Variants in TMEM18 observed in about 807,000 individuals in gnomAD.
TMEM18 encodes transmembrane protein 18.
Under a neutral mutation model 17.4 loss-of-function variants are expected in TMEM18, and 14 were observed. The observed-to-expected ratio is 0.80, with a 90% CI of 0.53 to 1.25. The LOEUF (loss-of-function observed/expected upper bound fraction) is 1.25. TMEM18 is among the 50% of genes most tolerant of loss of function. The pLI is 0.00. For missense variants in TMEM18, 187 were observed against 172.1 expected (o/e 1.09, Z -0.48); for synonymous variants, 86 against 66.1 (o/e 1.30, Z -1.46).
Position 669,526 on chromosome 2 carries a change from G to A in TMEM18, c.*54C>T. 1.9e-6 allele frequency: 3 copies of A among 1,541,702 alleles called. No individual in the cohort carries two copies. The highest frequency in any genetic ancestry group is 2.7e-6 in the Non-Finnish European group (3 of 1,115,702). ...CCCACGCCACGCACACTGCAGCACTGGGAGCTGCACTGGGTGGACGGGAAG... is the reference window on the plus strand; with the variant it reads ...CCCACGCCACGCACACTGCAGCACTAGGAGCTGCACTGGGTGGACGGGAAG... On this transcript the variant is annotated 3_prime_UTR_variant, in exon 5 of 5. Transcript: ENST00000281017.
At position 665,182 on chromosome 2, in the gene TMEM18, C is replaced by T. The variant is rs1424153099; in HGVS notation, c.*4398G>A. Among the ~76,000 whole-genome samples, 3 of 151,900 alleles carry T rather than the reference C, an allele frequency of 2.0e-5. No individual in the cohort carries two copies. The highest frequency in any genetic ancestry group is 2.0e-4 in the Admixed American group (3 of 15,256). On this transcript the variant is annotated 3_prime_UTR_variant, in exon 5 of 5. Coordinates refer to ENST00000281017, the MANE Select transcript of TMEM18 (RefSeq NM_152834.4). ...GACGCCCAGCTCAGATGGAGCATCA[C>T]TCCCACATACAACAGAACCCAGAGA...
In TMEM18 at chr2:664,871, C is replaced by A; in HGVS notation, c.*4709G>T. ...CATCTCTAATATCAGTAACTGGTTA[C>A]GTAAATTCAGCCTATACCCCTACAA... On this transcript the variant is annotated 3_prime_UTR_variant, in exon 5 of 5. Coordinates refer to ENST00000281017, the MANE Select transcript of TMEM18 (RefSeq NM_152834.4). Among the ~76,000 whole-genome samples the A allele has an allele frequency of 6.6e-6, 1 of 152,146 alleles. No homozygotes were observed. Among genetic ancestry groups the A allele is most frequent in the East Asian group, 1.9e-4 (1 of 5,200 alleles).
chr2:677,197 T>G, intron 1 of TMEM18, 92 bp downstream of exon 1: 1 of 1,499,636 alleles, frequency 6.7e-7, no homozygotes, highest in Admixed American at 2.0e-5. Flanking sequence ...GGCCGGGGCC[T>G]TCTTGGCCAC....
intron 3 of TMEM18, among the ~76,000 whole-genome samples, chr2:671,352 C>T (rs1231400261): frequency 6.6e-6 from 1 of 152,080 alleles, no homozygotes; most frequent in African/African-American, 2.4e-5. Flanking sequence ...GGACTGAACA[C>T]CCCTCCTGGG....
Position 672,925 on chromosome 2 carries a change from TAC to T in TMEM18, c.179-65_179-64del, listed in dbSNP as rs1474687178. On this transcript the variant is annotated intron_variant, in intron 2 of 4. Coordinates refer to ENST00000281017, the MANE Select transcript of TMEM18 (RefSeq NM_152834.4). ...CCCGTTATTACTCGTTATAAAGTTA[TAC>T]ATTCTTTACAGCAGAATACTGAATA... 8.8e-6 allele frequency: 12 copies of T among 1,369,180 alleles called. No homozygotes were observed. In the African/African-American group the frequency reaches 1.8e-4, roughly 21 times the overall value. The allele number at this position is 1,369,180 out of a possible 1,614,324, so 84.8% of individuals were successfully genotyped here.
Position 669,537 on chromosome 2 carries a change from T to C in TMEM18, c.*43A>G, listed in dbSNP as rs375182074. The stretch of plus-strand genomic sequence containing the variant: ...CACACTGCAGCACTGGGAGCTGCAC[T>C]GGGTGGACGGGAAGGACGCAAACTC... On this transcript the variant is annotated 3_prime_UTR_variant, in exon 5 of 5. Coordinates refer to ENST00000281017, the MANE Select transcript of TMEM18 (RefSeq NM_152834.4). 4 of 1,600,770 alleles carry C rather than the reference T, an allele frequency of 2.5e-6. No homozygotes were observed. In the African/African-American group the frequency reaches 5.3e-5, roughly 21 times the overall value.
rs1326972187 is a variant in TMEM18, at chr2:669,773, T to C, written c.311A>G (p.Asn104Ser). 8 of 1,614,096 alleles carry C rather than the reference T, an allele frequency of 5.0e-6. No homozygotes were observed. The highest frequency in any genetic ancestry group is 2.2e-5 in the East Asian group (1 of 44,880). ...SIVFSAPLLV[N>S]AMIIVVMWVW... ...TCTACGTACCACAATGATCATGGCA[T>C]TCACCAGCAGTGGGGCTGAAAATAC... Residue 104 changes from asparagine (N) to serine (S), a missense_variant, in exon 4 of 5, where the codon AAT becomes AGT. By Grantham distance (46) the Asn-to-Ser change is conservative. Transcript: ENST00000281017.
In TMEM18 at chr2:677,397, A is replaced by T; in HGVS notation, c.-52T>A. On this transcript the variant is annotated 5_prime_UTR_variant, in exon 1 of 5. Coordinates refer to ENST00000281017, the MANE Select transcript of TMEM18 (RefSeq NM_152834.4). ...AACCGCCGAACCCGGCCTGGCCAGA[A>T]TCCACAGAGGAGGGCGCCAAATCCT... The T allele has an allele frequency of 1.3e-6, 2 of 1,596,168 alleles. No individual in the cohort carries two copies. The highest frequency in any genetic ancestry group is 2.3e-5 in the South Asian group (2 of 88,236).
chr2:677,214 G>A lies in TMEM18; in HGVS notation c.57+75C>T, dbSNP rs1457045765. The A allele has an allele frequency of 9.7e-6, 15 of 1,539,054 alleles. No homozygotes were observed. The South Asian group carries it at 1.3e-4, about 13-fold the overall frequency. ...CCGGGGCCTTCTTGGCCACAGGCCG[G>A]GTGCTCTGTGGGGCCTACCCTACGC... is the stretch of plus-strand genomic sequence containing the variant. On this transcript the variant is annotated intron_variant, in intron 1 of 4. Coordinates refer to ENST00000281017, the MANE Select transcript of TMEM18 (RefSeq NM_152834.4).
chr2:673,320 C>A (rs1678903086), intron 2 of TMEM18, among the ~76,000 whole-genome samples: 1 of 152,124 alleles, frequency 6.6e-6, no homozygotes. Flanking sequence ...ACTGAGATGA[C>A]CATAGGAGGG....
At position 677,282 on chromosome 2, in the gene TMEM18, G is replaced by C. The variant is rs1265674946; in HGVS notation, c.57+7C>G. 4 of 1,610,266 alleles carry C rather than the reference G, an allele frequency of 2.5e-6. No individual in the cohort carries two copies. Among genetic ancestry groups the C allele is most frequent in the Non-Finnish European group, 3.4e-6 (4 of 1,179,420 alleles). ...CCGAACTGGTGGTTACGCGGGCCGC[G>C]AGTTACCGTGAGCACGGCTGGGATG... is the stretch of plus-strand genomic sequence containing the variant. On this transcript the variant is annotated splice_region_variant and intron_variant, in intron 1 of 4. Coordinates refer to ENST00000281017, the MANE Select transcript of TMEM18 (RefSeq NM_152834.4).
rs959221753 is a variant in TMEM18 at position 665,302 on chromosome 2, C to G, written c.*4278G>C. On this transcript the variant is annotated 3_prime_UTR_variant, in exon 5 of 5. Coordinates refer to ENST00000281017, the MANE Select transcript of TMEM18 (RefSeq NM_152834.4). ...CCACTCACTCAGATAGAGAATCAAC[C>G]CCACATAAAATAGAACCCAGAGATG... Among the ~76,000 whole-genome samples, 1 of 151,860 alleles carries G rather than the reference C, an allele frequency of 6.6e-6. No individual in the cohort carries two copies. The highest frequency in any genetic ancestry group is 1.5e-5 in the Non-Finnish European group (1 of 67,988).
rs376388967 is a variant in TMEM18 at position 669,186 on chromosome 2, G to A, written c.*394C>T. ...TGGCATGCACTAGAAAACACAGCAC[G>A]AGGAGGAGGGCATGGTGCCCATGTA... On this transcript the variant is annotated 3_prime_UTR_variant, in exon 5 of 5. Coordinates refer to ENST00000281017, the MANE Select transcript of TMEM18 (RefSeq NM_152834.4). 2 of 170,024 alleles carry A rather than the reference G, an allele frequency of 1.2e-5. No individual in the cohort carries two copies. The highest frequency in any genetic ancestry group is 5.9e-5 in the Admixed American group (1 of 17,022). 10.5% of individuals were successfully genotyped at this position (170,024 alleles called of 1,614,324 possible). A position where few individuals can be genotyped will look rare whatever the true frequency, so the allele number is the denominator to read the frequency against.
Position 675,481 on chromosome 2 carries a change from A to G in TMEM18, c.178+29T>C, listed in dbSNP as rs748278681. 5 of 1,613,964 alleles carry G rather than the reference A, an allele frequency of 3.1e-6. No homozygotes were observed. In the Admixed American group the frequency reaches 6.7e-5, roughly 22 times the overall value. On this transcript the variant is annotated intron_variant, in intron 2 of 4. Transcript: ENST00000281017. ...CAGTTTCATTTCACACAGTGATCTG[A>G]GTTGTGGAGTTTGTGTTGTTTTACT...
chr2:673,958 G>A (rs1220913909), intron 2 of TMEM18, among the ~76,000 whole-genome samples: 1 of 152,100 alleles, frequency 6.6e-6, no homozygotes, highest in Non-Finnish European at 1.5e-5. Flanking sequence ...GTGTCACCAG[G>A]TGCTCCTCCT....
chr2:676,219 T>C (rs1659193512), intron 1 of TMEM18: 1 of 1,389,744 alleles, frequency 7.2e-7, no homozygotes, highest in African/African-American at 1.4e-5. Flanking sequence ...CCTCCTGGAC[T>C]CCCCGGGACC....
At chr2:672,004 G>A (rs1572411143) in intron 3 of TMEM18, among the ~76,000 whole-genome samples, 1 of 151,374 alleles carries the variant, frequency 6.6e-6, no homozygotes, top group Admixed American at 6.6e-5. Flanking sequence ...GGAGGAGGCC[G>A]AGTCAGGGGA....
At chr2:676,291 G>A (rs935384338) in intron 1 of TMEM18, 9 of 1,479,900 alleles carry the variant, frequency 6.1e-6, no homozygotes, top group Non-Finnish European at 7.2e-6. Context: ...CAGATCCACT[G>A]CTGCTCAGTC....
chr2:664,665 T>TATTG lies in TMEM18; in HGVS notation c.*4911_*4914dup, dbSNP rs1428081352. On this transcript the variant is annotated 3_prime_UTR_variant, in exon 5 of 5. Transcript: ENST00000281017. ...GATTTCAGGAAATATGTACAACCAA[T>TATTG]ATTGGCATATGCTTTCTGAAAATTG... Among the ~76,000 whole-genome samples the TATTG allele has an allele frequency of 1.3e-5, 2 of 152,208 alleles. No individual in the cohort carries two copies. Among genetic ancestry groups the TATTG allele is most frequent in the African/African-American group, 4.8e-5 (2 of 41,458 alleles).
Sources: gnomAD v4.1 joint callset for allele counts (sites outside exome capture counted in the v4.1 genomes callset) on GRCh38, gnomAD v4.1.1 for gene constraint, MANE v1.5 for transcripts, NCBI Gene and HGNC (gene_info 2026-07-23, HGNC 2026-07-21) for gene names.